The following MAP4 variants were observed in gnomAD, a reference collection of about 807,000 sequenced individuals.
MAP4 encodes the protein microtubule-associated protein 4.
MAP4 carries 76 observed loss-of-function variants against 170.2 expected under a neutral mutation model. That is an observed-to-expected ratio of 0.45 (90% CI 0.37 to 0.54). The LOEUF is 0.54. Among genes scored for constraint, MAP4 ranks in the 20% least tolerant of loss-of-function variants. The pLI is 0.00. For missense variants in MAP4, 2,506 were observed against 2,748.0 expected (o/e 0.91, Z 1.97); for synonymous variants, 909 against 994.5 (o/e 0.91, Z 1.62).
chr3:48,035,654 A>C (rs1377227577), intron 1 of MAP4, among the ~76,000 whole-genome samples: 3 of 151,664 alleles, frequency 2.0e-5, no homozygotes, highest in Non-Finnish European at 1.5e-5. Flanking sequence ...AAATAAGAAG[A>C]GCCAGCTGGG....
intron 1 of MAP4, among the ~76,000 whole-genome samples, chr3:48,005,521 T>C (rs1298405283): frequency 6.6e-6 from 1 of 152,210 alleles, no homozygotes; most frequent in Non-Finnish European, 1.5e-5. Context: ...CTGCATTTAA[T>C]GTTGCAGCTC....
chr3:47,876,236 A>G (rs1283898461), intron 11 of MAP4, among the ~76,000 whole-genome samples: 9 of 149,816 alleles, frequency 6.0e-5, no homozygotes, highest in Non-Finnish European at 1.3e-4. Flanking sequence ...GGTTCAAGCG[A>G]TTCTCCTGCC....
chr3:47,860,785 T>C (rs953034222), intron 17 of MAP4, among the ~76,000 whole-genome samples: 1 of 152,150 alleles, frequency 6.6e-6, no homozygotes, highest in East Asian at 1.9e-4. Flanking sequence ...CATGCTAGCA[T>C]GTGGGGAAAA....
chr3:47,864,259 G>A (rs2075304060), intron 17 of MAP4, among the ~76,000 whole-genome samples: 1 of 152,012 alleles, frequency 6.6e-6, no homozygotes, highest in African/African-American at 2.4e-5. Flanking sequence ...ATTTTTTTTG[G>A]GACTGGGCGC....
At chr3:48,022,891 A>AG (rs1335903417) in intron 1 of MAP4, among the ~76,000 whole-genome samples, 2 of 77,270 alleles carry the variant, frequency 2.6e-5, no homozygotes, top group Middle Eastern at 6.3e-3. Flanking sequence ...ACTCCATCTC[A>AG]GGGGGGAAAA....
At chr3:47,998,520 A>T in intron 2 of MAP4, 118 bp downstream of exon 2, 2 of 761,350 alleles carry the variant, frequency 2.6e-6, no homozygotes, top group South Asian at 3.4e-5. Flanking sequence ...AGAAACATAA[A>T]GTTACTAGCC....
chr3:48,046,073 A>G (rs1423449726), intron 1 of MAP4, among the ~76,000 whole-genome samples: 1 of 149,708 alleles, frequency 6.7e-6, no homozygotes, highest in Admixed American at 6.7e-5. Flanking sequence ...ACATATCCAG[A>G]GTGTTTTGAA....
chr3:47,866,981 T>C (rs1271792714), intron 17 of MAP4, among the ~76,000 whole-genome samples: 1 of 152,124 alleles, frequency 6.6e-6, no homozygotes, highest in African/African-American at 2.4e-5. Context: ...GGCTCTGACA[T>C]AGCTGGAGAA....
intron 3 of MAP4, among the ~76,000 whole-genome samples, chr3:47,962,791 G>A (rs1559618301): frequency 1.3e-5 from 2 of 152,206 alleles, no homozygotes; most frequent in South Asian, 4.1e-4. Context: ...TATCTCTGTT[G>A]CTCAGCACTA....
At chr3:47,905,117 A>T (rs1305421445) in intron 9 of MAP4, among the ~76,000 whole-genome samples, 1 of 152,222 alleles carries the variant, frequency 6.6e-6, no homozygotes, top group Admixed American at 6.5e-5. Flanking sequence ...AGTGAGGAAC[A>T]AAGATAAACA....
intron 1 of MAP4, among the ~76,000 whole-genome samples, chr3:48,021,822 T>C (rs745841280): frequency 1.3e-5 from 2 of 152,216 alleles, no homozygotes; most frequent in Non-Finnish European, 2.9e-5. Flanking sequence ...AACTTACTGA[T>C]GGATTGAACC....
At chr3:47,864,004 GTC>G (rs1230766531) in intron 17 of MAP4, among the ~76,000 whole-genome samples, 1 of 148,906 alleles carries the variant, frequency 6.7e-6, no homozygotes, top group Non-Finnish European at 1.5e-5. Flanking sequence ...TTTTTTCAGT[GTC>G]TCTCTCTGTC....
At chr3:48,036,257 C>T (rs1055364500) in intron 1 of MAP4, among the ~76,000 whole-genome samples, 2 of 152,066 alleles carry the variant, frequency 1.3e-5, no homozygotes, top group Non-Finnish European at 2.9e-5. Flanking sequence ...AACAATTGAA[C>T]ACTAGTTTAA....
chr3:48,008,242 C>G (rs1218664821), intron 1 of MAP4, among the ~76,000 whole-genome samples: 1 of 152,220 alleles, frequency 6.6e-6, no homozygotes. Flanking sequence ...CCTGCCTTCT[C>G]TCTCCCAGCC....
At chr3:47,942,218 T>C (rs2100056950) in intron 3 of MAP4, among the ~76,000 whole-genome samples, 1 of 152,132 alleles carries the variant, frequency 6.6e-6, no homozygotes, top group African/African-American at 2.4e-5. Context: ...ACACAGTATC[T>C]CATTAAGAGC....
chr3:47,869,938 G>A (rs2088408938), intron 15 of MAP4, among the ~76,000 whole-genome samples: 1 of 152,130 alleles, frequency 6.6e-6, no homozygotes, highest in Non-Finnish European at 1.5e-5. Context: ...CAACTCTCAG[G>A]CTCTTCTCTA....
At chr3:48,024,001 T>C (rs1228574881) in intron 1 of MAP4, among the ~76,000 whole-genome samples, 1 of 152,060 alleles carries the variant, frequency 6.6e-6, no homozygotes, top group African/African-American at 2.4e-5. Flanking sequence ...GGAGAAAGTA[T>C]TTGGGTGTGA....
At chr3:47,975,256 C>T (rs948743914) in intron 3 of MAP4, 1 of 1,378,874 alleles carries the variant, frequency 7.3e-7, no homozygotes, top group Admixed American at 2.9e-5. Flanking sequence ...TCCATCAAAC[C>T]CTGCAGAGCA....
chr3:47,887,641 G>A (rs75004477), intron 10 of MAP4, among the ~76,000 whole-genome samples: 86 of 152,376 alleles, frequency 5.6e-4, no homozygotes, highest in Non-Finnish European at 1.0e-3. Context: ...GCCCCAGTGC[G>A]AGATCCACTA....
Sources: gnomAD v4.1 joint callset for allele counts (sites outside exome capture counted in the v4.1 genomes callset) on GRCh38, gnomAD v4.1.1 for gene constraint, MANE v1.5 for transcripts, NCBI Gene and HGNC (gene_info 2026-07-23, HGNC 2026-07-21) for gene names.